The following QSOX1 variants were observed in gnomAD, a reference collection of about 807,000 sequenced individuals.
QSOX1 encodes the protein quiescin sulfhydryl oxidase 1.
A neutral mutation model predicts 76.1 loss-of-function variants in QSOX1; 40 were observed. The ratio of observed to expected loss-of-function variants is 0.53; its 90% confidence interval spans 0.41 to 0.68. The LOEUF is 0.68. Ranked by LOEUF, QSOX1 falls within the 30% of genes least tolerant of loss-of-function variation. The pLI, the probability that QSOX1 is intolerant of heterozygous loss-of-function variation, is 0.00. For synonymous variants in QSOX1, 392 were observed against 413.1 expected, an observed-to-expected ratio of 0.95 and a Z score of 0.62; for missense variants, 931 against 974.3, an observed-to-expected ratio of 0.96 and a Z score of 0.59.
chr1:180,198,485 G>A lies in QSOX1; in HGVS notation c.*1448G>A, dbSNP rs1212800930. ...TGATAATGAACCTCATTAAGGGGGA[G>A]CAGGAGCCTCAATCCGATTTGGTTT... On this transcript the variant is annotated 3_prime_UTR_variant, in exon 12 of 12. Transcript: ENST00000367602. The A allele has an allele frequency of 2.3e-6, 1 of 432,062 alleles. No individual in the cohort carries two copies. The highest frequency in any genetic ancestry group is 7.2e-5 in the East Asian group (1 of 13,798). 26.8% of individuals were successfully genotyped at this position (432,062 alleles called of 1,614,324 possible).
intron 2 of QSOX1, among the ~76,000 whole-genome samples, chr1:180,167,011 A>G (rs547425089): frequency 6.6e-6 from 1 of 152,250 alleles, no homozygotes; most frequent in African/African-American, 2.4e-5. Flanking sequence ...TGCCTCAGGC[A>G]GCAGGGATCC....
Position 180,182,042 on chromosome 1 carries a change from C to T in QSOX1, c.607-132C>T, listed in dbSNP as rs570497051. 2.3e-4 allele frequency: 199 copies of T among 859,606 alleles called. 1 individual carries two copies. The African/African-American group carries it at 2.6e-3, about 11-fold the overall frequency. 53.2% of individuals were successfully genotyped at this position (859,606 alleles called of 1,614,324 possible). Reference sequence around the variant, plus strand: ...ATCTCTTGCGCATCAGTGTGGTCCACTCTTTGTGGGTTTAGAGTCTGGAAG... The same window carrying T: ...ATCTCTTGCGCATCAGTGTGGTCCATTCTTTGTGGGTTTAGAGTCTGGAAG... On this transcript the variant is annotated intron_variant, in intron 5 of 11. Transcript: ENST00000367602.
intron 1 of QSOX1, among the ~76,000 whole-genome samples, chr1:180,161,179 T>A (rs1315037231): frequency 6.6e-6 from 1 of 151,956 alleles, no homozygotes; most frequent in African/African-American, 2.4e-5. Flanking sequence ...TAAAATAAAA[T>A]AAATAAAATA....
chr1:180,192,887 A>G (rs997244475), intron 10 of QSOX1, among the ~76,000 whole-genome samples: 6 of 152,174 alleles, frequency 3.9e-5, no homozygotes, highest in African/African-American at 1.2e-4. Flanking sequence ...AATCCTGAGC[A>G]TCAAACCACC....
intron 1 of QSOX1, among the ~76,000 whole-genome samples, chr1:180,157,310 A>C (rs972973928): frequency 6.6e-6 from 1 of 152,184 alleles, no homozygotes; most frequent in Non-Finnish European, 1.5e-5. Context: ...GTCAGCCTGC[A>C]ATGAAGAATG....
chr1:180,194,998 G>GGGGA (rs1553275516), intron 11 of QSOX1, among the ~76,000 whole-genome samples: 1 of 147,128 alleles, frequency 6.8e-6, no homozygotes, highest in South Asian at 2.1e-4. Context: ...CAGCCTCCCG[G>GGGGA]GGGGGGGAGA....
rs149144883 is a variant in QSOX1, at chr1:180,175,240, G to A, written c.367-81G>A. 7.5e-3 allele frequency: 9,780 copies of A among 1,298,604 alleles called. 69 individuals are homozygous for A. The highest frequency in any genetic ancestry group is 0.017 in the Middle Eastern group (95 of 5,490). 80.4% of individuals were successfully genotyped at this position (1,298,604 alleles called of 1,614,324 possible). ...CCCAGCCACCGCATTGAATAAGTAG[G>A]CAGATTTTCAGAGCAGGCCTGCGTG... On this transcript the variant is annotated intron_variant, in intron 2 of 11. Coordinates refer to ENST00000367602, the MANE Select transcript of QSOX1 (RefSeq NM_002826.5).
At chr1:180,155,318 A>G (rs914414510) in intron 1 of QSOX1, 146 bp downstream of exon 1, 8 of 735,182 alleles carry the variant, frequency 1.1e-5, no homozygotes, top group Non-Finnish European at 1.6e-5. Flanking sequence ...CACGCCCACC[A>G]CCTTCATGTT....
Position 180,201,411 on chromosome 1 carries a change from C to G in QSOX1, c.*4374C>G, listed in dbSNP as rs1663636500. ...CATTCTCCCTCAGGTGCCAAGGAAG[C>G]TCCAGGGTGGGCCCAGTATCCTTCC... On this transcript the variant is annotated 3_prime_UTR_variant, in exon 12 of 12. Coordinates refer to ENST00000367602, the MANE Select transcript of QSOX1 (RefSeq NM_002826.5). The G allele has an allele frequency of 6.6e-6, 1 of 152,422 alleles. No individual in the cohort carries two copies. The highest frequency in any genetic ancestry group is 1.5e-5 in the Non-Finnish European group (1 of 68,244). 9.4% of individuals were successfully genotyped at this position (152,422 alleles called of 1,614,324 possible).
At chr1:180,155,234 G>A in intron 1 of QSOX1, 62 bp downstream of exon 1, 2 of 1,382,264 alleles carry the variant, frequency 1.4e-6, no homozygotes, top group Non-Finnish European at 1.9e-6. Flanking sequence ...CACCTGCCCG[G>A]TGGGCAGCCT....
At chr1:180,156,107 G>A (rs1049450164) in intron 1 of QSOX1, among the ~76,000 whole-genome samples, 2 of 152,150 alleles carry the variant, frequency 1.3e-5, no homozygotes, top group Non-Finnish European at 2.9e-5. Context: ...GAGGAAATAT[G>A]GTAATAATAG....
chr1:180,160,952 A>G (rs1662481171), intron 1 of QSOX1, among the ~76,000 whole-genome samples: 1 of 152,238 alleles, frequency 6.6e-6, no homozygotes, highest in Non-Finnish European at 1.5e-5. Context: ...TCCATCTTAT[A>G]GGTAGATGAT....
intron 11 of QSOX1, among the ~76,000 whole-genome samples, chr1:180,195,000 G>GGT (rs1553275535): frequency 3.3e-5 from 5 of 151,202 alleles, no homozygotes; most frequent in Non-Finnish European, 7.4e-5. Flanking sequence ...GCCTCCCGGG[G>GGT]GGGGGAGACC....
At chr1:180,174,317 C>A (rs116130272) in intron 2 of QSOX1, among the ~76,000 whole-genome samples, 1,597 of 152,334 alleles carry the variant, frequency 0.01, 13 homozygotes, top group Middle Eastern at 0.027. Context: ...TGTCCTCTTG[C>A]CCCAAGGAGG....
intron 8 of QSOX1, among the ~76,000 whole-genome samples, chr1:180,189,307 G>A (rs962059453): frequency 2.6e-5 from 4 of 152,224 alleles, no homozygotes; most frequent in Admixed American, 2.0e-4. Context: ...CATTTAGAGC[G>A]AGCACCTTCC....
Position 180,198,747 on chromosome 1 carries a change from C to T in QSOX1, c.*1710C>T, listed in dbSNP as rs753683420. ...ATCCTCCTGGTTGTGCTCTGCACCC[C>T]CTGCTCCCTTGGGCTGGCCCTGGCT... On this transcript the variant is annotated 3_prime_UTR_variant, in exon 12 of 12. Transcript: ENST00000367602. The T allele has an allele frequency of 3.0e-4, 82 of 272,610 alleles. No homozygotes were observed. The highest frequency in any genetic ancestry group is 5.2e-4 in the Non-Finnish European group (71 of 135,666). 16.9% of individuals were successfully genotyped at this position (272,610 alleles called of 1,614,324 possible).
In QSOX1 at chr1:180,196,835, TC is replaced by T. The variant is rs1278106572; in HGVS notation, c.2045del (p.Pro682LeufsTer54). The T allele has an allele frequency of 6.2e-7, 1 of 1,608,208 alleles. No homozygotes were observed. Among genetic ancestry groups the T allele is most frequent in the Non-Finnish European group, 8.5e-7 (1 of 1,175,836 alleles). On this transcript the variant is annotated frameshift_variant, in exon 12 of 12. Transcript: ENST00000367602. LOFTEE classifies it high-confidence loss of function. The surrounding 1 kb of genome is among the most constrained non-coding windows in gnomAD (Gnocchi z 4.1). ...VGRSSKQLVD[I>X]PEGQLEARAG... ...CGCAGCTCCAAGCAGCTGGTCGACA[TC>T]CCTGAGGGCCAGCTGGAGGCCCGAG...
At chr1:180,163,728 T>C (rs1662545615) in intron 1 of QSOX1, among the ~76,000 whole-genome samples, 1 of 152,176 alleles carries the variant, frequency 6.6e-6, no homozygotes, top group African/African-American at 2.4e-5. Flanking sequence ...AGGGGCCAAA[T>C]GAAGAACTGC....
rs200032419 is a variant in QSOX1 at position 180,186,192 on chromosome 1, G to A, written c.1017+10G>A. 1.5e-5 allele frequency: 24 copies of A among 1,608,840 alleles called. No individual in the cohort carries two copies. Among genetic ancestry groups the A allele is most frequent in the African/African-American group, 4.0e-5 (3 of 74,888 alleles). The stretch of plus-strand genomic sequence containing the variant: ...GGCAGTGCTGGCCAAGGTGAGCAGG[G>A]CCATGGCTTCCCTTGTCTGTGCAAT... On this transcript the variant is annotated intron_variant, in intron 8 of 11. Transcript: ENST00000367602.
Sources: gnomAD v4.1 joint callset for allele counts (sites outside exome capture counted in the v4.1 genomes callset) on GRCh38, gnomAD v4.1.1 for gene constraint, Gnocchi (gnomAD v3.1) non-coding constraint, MANE v1.5 for transcripts, NCBI Gene and HGNC (gene_info 2026-07-23, HGNC 2026-07-21) for gene names.